MCC: variants seen among roughly 807,000 people sequenced by gnomAD.
MCC encodes the protein colorectal mutant cancer protein.
Under a neutral mutation model 116.2 loss-of-function variants are expected in MCC, and 90 were observed. That is an observed-to-expected ratio of 0.77 (90% CI 0.65 to 0.92). MCC has a LOEUF of 0.92. MCC is among the 40% of genes least tolerant of loss of function. The pLI, the probability that MCC is intolerant of heterozygous loss-of-function variation, is 0.00. For missense variants in MCC, 1,516 were observed against 1,312.2 expected (o/e 1.16, Z -2.40); for synonymous variants, 578 against 510.5 (o/e 1.13, Z -1.78).
chr5:113,463,613 G>A (rs552394657), intron 1 of MCC, among the ~76,000 whole-genome samples: 2 of 152,272 alleles, frequency 1.3e-5, no homozygotes, highest in East Asian at 3.9e-4. Flanking sequence ...AGTTTTGTGG[G>A]AAGAATCCTG....
At chr5:113,415,415 A>G (rs1770116613) in intron 1 of MCC, among the ~76,000 whole-genome samples, 2 of 152,126 alleles carry the variant, frequency 1.3e-5, no homozygotes, top group Non-Finnish European at 2.9e-5. Context: ...AATCAAATGT[A>G]GATTTGGTCT....
chr5:113,434,925 A>T lies in MCC; in HGVS notation c.171-49713T>A. 6.7e-7 allele frequency: 1 copy of T among 1,500,022 alleles called. No homozygotes were observed. The highest frequency in any genetic ancestry group is 8.9e-7 in the Non-Finnish European group (1 of 1,117,404). 92.9% of individuals were successfully genotyped at this position (1,500,022 alleles called of 1,614,324 possible). ...AGCAGTGTGCTCATTTACATCCTGG[A>T]TAGAGAGTCCTTTGGGCTGGCCAGG... On this transcript the variant is annotated intron_variant, in intron 1 of 18. Coordinates refer to ENST00000408903, the MANE Select transcript of MCC (RefSeq NM_001085377.2). The surrounding 1 kb of genome is among the most constrained non-coding windows in gnomAD (Gnocchi z 4.2).
At chr5:113,222,358 T>C (rs1217797243) in intron 3 of MCC, among the ~76,000 whole-genome samples, 1 of 152,234 alleles carries the variant, frequency 6.6e-6, no homozygotes, top group Non-Finnish European at 1.5e-5. Context: ...CACAAAGATA[T>C]TGTATTGCTC....
chr5:113,135,288 C>T (rs1033946114), intron 5 of MCC, among the ~76,000 whole-genome samples: 1 of 148,442 alleles, frequency 6.7e-6, no homozygotes, highest in Non-Finnish European at 1.5e-5. Flanking sequence ...GGCACAGTGG[C>T]TCACACCTGT....
At chr5:113,159,353 C>T (rs1200496967) in intron 3 of MCC, among the ~76,000 whole-genome samples, 1 of 152,202 alleles carries the variant, frequency 6.6e-6, no homozygotes, top group Non-Finnish European at 1.5e-5. Context: ...CTATACAGAA[C>T]TGTTCACCCA....
At chr5:113,454,672 A>G (rs1365627942) in intron 1 of MCC, among the ~76,000 whole-genome samples, 1 of 152,216 alleles carries the variant, frequency 6.6e-6, no homozygotes, top group African/African-American at 2.4e-5. Flanking sequence ...AGTACTTAAT[A>G]TTTGCTCTAT....
intron 3 of MCC, among the ~76,000 whole-genome samples, chr5:113,196,251 G>C (rs1434222249): frequency 6.6e-6 from 1 of 152,202 alleles, no homozygotes; most frequent in East Asian, 1.9e-4. Context: ...CTGGATGGAT[G>C]AATGACCCTC....
intron 3 of MCC, among the ~76,000 whole-genome samples, chr5:113,297,094 A>G (rs1405592390): frequency 6.6e-6 from 1 of 152,260 alleles, no homozygotes; most frequent in East Asian, 1.9e-4. Flanking sequence ...TATACTTCAC[A>G]TAAGATTCAA....
At chr5:113,270,918 T>C (rs747965173) in intron 3 of MCC, among the ~76,000 whole-genome samples, 37 of 151,914 alleles carry the variant, frequency 2.4e-4, no homozygotes, top group Non-Finnish European at 4.9e-4. Flanking sequence ...AAAATATATA[T>C]ATATACAAAC....
chr5:113,089,948 A>G (rs7714349), intron 8 of MCC, among the ~76,000 whole-genome samples: 69,501 of 152,006 alleles, frequency 0.46, 17,460 homozygotes, highest in African/African-American at 0.69. Context: ...TGACAATGAT[A>G]TCAGCTTTGG....
intron 1 of MCC, among the ~76,000 whole-genome samples, chr5:113,482,035 C>T (rs1255644057): frequency 1.3e-5 from 2 of 152,052 alleles, no homozygotes; most frequent in African/African-American, 4.8e-5. Context: ...TTGTGACTGG[C>T]TTCTTTCACT....
chr5:113,119,730 A>G (rs1757625320), intron 6 of MCC, among the ~76,000 whole-genome samples: 1 of 152,040 alleles, frequency 6.6e-6, no homozygotes, highest in Non-Finnish European at 1.5e-5. Context: ...ATGTGTGGGC[A>G]GAGAACATGT....
At chr5:113,290,064 C>T (rs1207280939) in intron 3 of MCC, among the ~76,000 whole-genome samples, 1 of 152,192 alleles carries the variant, frequency 6.6e-6, no homozygotes, top group Non-Finnish European at 1.5e-5. Context: ...TGCGAGCTGG[C>T]CACTTGGAGA....
At chr5:113,068,777 G>A (rs6594672) in intron 12 of MCC, among the ~76,000 whole-genome samples, 69,701 of 152,052 alleles carry the variant, frequency 0.46, 17,550 homozygotes, top group African/African-American at 0.69. Context: ...CAACAGCCAG[G>A]TGAGTGAGCC....
rs182290945 is a variant in MCC at position 113,291,749 on chromosome 5, C to T, written c.627+48770G>A. ...CAACTTTGCCCTACAAGATATTAAG[C>T]GAAAACTAGTGTTTAAGAGAAAAAT... On this transcript the variant is annotated intron_variant, in intron 3 of 18. Coordinates refer to ENST00000408903, the MANE Select transcript of MCC (RefSeq NM_001085377.2). 5.9e-4 allele frequency among the ~76,000 whole-genome samples: 90 copies of T among 152,068 alleles called. 1 individual carries two copies. The highest frequency in any genetic ancestry group is 1.9e-3 in the African/African-American group (79 of 41,448).
chr5:113,279,785 G>A (rs975038242), intron 3 of MCC, among the ~76,000 whole-genome samples: 1 of 152,180 alleles, frequency 6.6e-6, no homozygotes, highest in Non-Finnish European at 1.5e-5. Flanking sequence ...GTAACAGGAT[G>A]CTTTGAATAT....
intron 3 of MCC, among the ~76,000 whole-genome samples, chr5:113,318,944 G>A (rs1767353563): frequency 6.6e-6 from 1 of 152,116 alleles, no homozygotes; most frequent in Non-Finnish European, 1.5e-5. Flanking sequence ...TCAGCTTACC[G>A]CAACCTCCAC....
At chr5:113,242,645 G>A (rs1273605253) in intron 3 of MCC, among the ~76,000 whole-genome samples, 6 of 151,992 alleles carry the variant, frequency 3.9e-5, no homozygotes, top group African/African-American at 1.5e-4. Flanking sequence ...AGCAGGAGAG[G>A]CAGAGTGCCC....
chr5:113,222,327 G>C (rs1191777482), intron 3 of MCC, among the ~76,000 whole-genome samples: 1 of 152,016 alleles, frequency 6.6e-6, no homozygotes, highest in Non-Finnish European at 1.5e-5. Context: ...TGCTAAAATT[G>C]TCTTTTTTTA....
Sources: gnomAD v4.1 joint callset for allele counts (sites outside exome capture counted in the v4.1 genomes callset) on GRCh38, gnomAD v4.1.1 for gene constraint, Gnocchi (gnomAD v3.1) non-coding constraint, MANE v1.5 for transcripts, NCBI Gene and HGNC (gene_info 2026-07-23, HGNC 2026-07-21) for gene names.